The following NIM1K variants were observed in gnomAD, a reference collection of about 807,000 sequenced individuals.
The protein encoded by NIM1K is NIM1 serine/threonine protein kinase, also known as serine/threonine-protein kinase NIM1.
A neutral mutation model predicts 37.1 loss-of-function variants in NIM1K; 35 were observed. The observed-to-expected ratio is 0.94, with a 90% CI of 0.72 to 1.25. NIM1K has a LOEUF of 1.25. Among genes scored for constraint, NIM1K ranks in the 50% most tolerant of loss-of-function variants. The probability of loss-of-function intolerance (pLI) is 0.00; values close to 1 mark genes in which losing one functional copy is unlikely to be tolerated. For missense variants in NIM1K, 564 were observed against 548.0 expected, an observed-to-expected ratio of 1.03 and a Z score of -0.29; for synonymous variants, 234 against 206.6, an observed-to-expected ratio of 1.13 and a Z score of -1.14.
chr5:43,269,371 C>G (rs1753220750), intron 2 of NIM1K, among the ~76,000 whole-genome samples: 1 of 144,360 alleles, frequency 6.9e-6, no homozygotes, highest in South Asian at 2.2e-4. Context: ...TCCATATACA[C>G]AGAACATCTT....
intron 2 of NIM1K, among the ~76,000 whole-genome samples, chr5:43,276,322 A>C (rs1294076764): frequency 6.6e-6 from 1 of 152,276 alleles, no homozygotes; most frequent in Non-Finnish European, 1.5e-5. Context: ...GGTGGAAGGC[A>C]CATCACACTG....
At chr5:43,272,541 G>A (rs1458355943) in intron 2 of NIM1K, among the ~76,000 whole-genome samples, 1 of 152,106 alleles carries the variant, frequency 6.6e-6, no homozygotes, top group Non-Finnish European at 1.5e-5. Context: ...GAAGGAGAAG[G>A]AGGGCCTGAT....
At chr5:43,265,643 G>T (rs185957756) in intron 2 of NIM1K, among the ~76,000 whole-genome samples, 3 of 152,092 alleles carry the variant, frequency 2.0e-5, no homozygotes, top group African/African-American at 7.2e-5. Context: ...TTCATTCTCC[G>T]TCCAGCTTTG....
chr5:43,214,522 A>C (rs924487507), intron 1 of NIM1K, among the ~76,000 whole-genome samples: 15 of 152,210 alleles, frequency 9.9e-5, no homozygotes, highest in African/African-American at 3.6e-4. Context: ...GCTCTCAGAA[A>C]TGTGCCCATT....
chr5:43,231,678 T>C (rs1296439528), intron 1 of NIM1K: 7 of 471,694 alleles, frequency 1.5e-5, no homozygotes, highest in Non-Finnish European at 2.8e-5. Flanking sequence ...ATTCATGTTT[T>C]AAAGCATAGG....
At chr5:43,198,498 A>C (rs1751969252) in intron 1 of NIM1K, among the ~76,000 whole-genome samples, 1 of 150,840 alleles carries the variant, frequency 6.6e-6, no homozygotes. Context: ...TTTTATTTTC[A>C]ACAATGATTA....
At chr5:43,253,806 C>A (rs1752902975) in intron 2 of NIM1K, among the ~76,000 whole-genome samples, 1 of 151,908 alleles carries the variant, frequency 6.6e-6, no homozygotes, top group Non-Finnish European at 1.5e-5. Flanking sequence ...ATTACAGGCA[C>A]ACGCCACCAT....
At chr5:43,258,197 C>T (rs760403112) in intron 2 of NIM1K, among the ~76,000 whole-genome samples, 13 of 152,090 alleles carry the variant, frequency 8.5e-5, no homozygotes, top group Non-Finnish European at 1.5e-4. Context: ...TGGCATCATC[C>T]AATGTGTATT....
intron 2 of NIM1K, among the ~76,000 whole-genome samples, chr5:43,267,030 A>T (rs1377757316): frequency 1.3e-5 from 2 of 152,066 alleles, no homozygotes; most frequent in Non-Finnish European, 2.9e-5. Context: ...ATTGCTTCCA[A>T]TTCTTCTTTG....
At chr5:43,217,553 G>A (rs1437224763) in intron 1 of NIM1K, among the ~76,000 whole-genome samples, 1 of 150,408 alleles carries the variant, frequency 6.6e-6, no homozygotes. Context: ...GCCAACACTT[G>A]TTACTAATTA....
chr5:43,265,796 G>A (rs938999769), intron 2 of NIM1K, among the ~76,000 whole-genome samples: 1 of 152,204 alleles, frequency 6.6e-6, no homozygotes, highest in Non-Finnish European at 1.5e-5. Context: ...ACCTACAGAT[G>A]GGATTTTGGT....
At chr5:43,250,407 G>A (rs969726938) in intron 2 of NIM1K, among the ~76,000 whole-genome samples, 22 of 152,088 alleles carry the variant, frequency 1.4e-4, no homozygotes, top group African/African-American at 5.3e-4. Context: ...TAATTATAAT[G>A]CTACAGAGAT....
chr5:43,262,886 TTC>T, intron 2 of NIM1K, among the ~76,000 whole-genome samples: 1 of 152,250 alleles, frequency 6.6e-6, no homozygotes, highest in African/African-American at 2.4e-5. Context: ...TTGTCTTTGG[TTC>T]TGTTTGTATA....
At chr5:43,259,485 A>G (rs1026161460) in intron 2 of NIM1K, among the ~76,000 whole-genome samples, 1 of 152,164 alleles carries the variant, frequency 6.6e-6, no homozygotes, top group Non-Finnish European at 1.5e-5. Context: ...TGGCTGGGGT[A>G]AAGCGGTATC....
chr5:43,230,001 T>C (rs1009666693), intron 1 of NIM1K, among the ~76,000 whole-genome samples: 6 of 152,074 alleles, frequency 3.9e-5, no homozygotes, highest in Non-Finnish European at 7.4e-5. Flanking sequence ...CCTTTACCTA[T>C]AGATAAACAG....
chr5:43,272,458 G>A (rs1331426866), intron 2 of NIM1K, among the ~76,000 whole-genome samples: 1 of 152,060 alleles, frequency 6.6e-6, no homozygotes, highest in Non-Finnish European at 1.5e-5. Context: ...TCTCAGCCCA[G>A]GACTACATCA....
chr5:43,271,736 G>T (rs775627293), intron 2 of NIM1K, among the ~76,000 whole-genome samples: 3 of 152,090 alleles, frequency 2.0e-5, no homozygotes, highest in Non-Finnish European at 4.4e-5. Flanking sequence ...ACATAAATAG[G>T]TTGTTATATT....
chr5:43,265,774 T>C (rs1486733124), intron 2 of NIM1K, among the ~76,000 whole-genome samples: 1 of 152,234 alleles, frequency 6.6e-6, no homozygotes, highest in East Asian at 1.9e-4. Flanking sequence ...CCTTTGGTCT[T>C]TGATGATGGT....
chr5:43,222,884 T>G (rs1323028467), intron 1 of NIM1K, among the ~76,000 whole-genome samples: 2 of 152,158 alleles, frequency 1.3e-5, no homozygotes, highest in Non-Finnish European at 2.9e-5. Context: ...CTCACGCCTG[T>G]AATCCCAGAA....
Sources: allele counts gnomAD v4.1 joint callset (sites outside exome capture counted in the v4.1 genomes callset), GRCh38; gene constraint gnomAD v4.1.1; transcripts MANE v1.5; gene names NCBI Gene and HGNC (gene_info 2026-07-23, HGNC 2026-07-21).